Variants in ADAM12 observed in about 807,000 individuals in gnomAD.
ADAM12 encodes the protein ADAM metallopeptidase domain 12.
Under a neutral mutation model 106.4 loss-of-function variants are expected in ADAM12, and 70 were observed. The observed-to-expected ratio is 0.66, with a 90% CI of 0.54 to 0.80. The LOEUF (loss-of-function observed/expected upper bound fraction) is 0.80. ADAM12 is among the 30% of genes least tolerant of loss of function. The pLI, the probability that ADAM12 is intolerant of heterozygous loss-of-function variation, is 0.00. For synonymous variants in ADAM12, 420 were observed against 433.5 expected, an observed-to-expected ratio of 0.97 and a Z score of 0.39; for missense variants, 1,010 against 1,171.9, an observed-to-expected ratio of 0.86 and a Z score of 2.02.
At chr10:126,261,258 T>C (rs1958996502) in intron 3 of ADAM12, among the ~76,000 whole-genome samples, 1 of 152,198 alleles carries the variant, frequency 6.6e-6, no homozygotes, top group South Asian at 2.1e-4. Flanking sequence ...TTAAAAATTC[T>C]ATATGGGAAC....
chr10:126,092,062 TG>T (rs1317452163), intron 11 of ADAM12, among the ~76,000 whole-genome samples: 1 of 152,172 alleles, frequency 6.6e-6, no homozygotes, highest in Non-Finnish European at 1.5e-5. Context: ...GTGTGAGAAT[TG>T]GGACAACCAG....
At chr10:126,208,648 T>C (rs1042048577) in intron 3 of ADAM12, among the ~76,000 whole-genome samples, 5 of 152,168 alleles carry the variant, frequency 3.3e-5, no homozygotes, top group Non-Finnish European at 7.3e-5. Flanking sequence ...GGATAAAATC[T>C]ACACTCCAAA....
At chr10:126,295,570 C>CACACACACACA (rs1216399082) in intron 2 of ADAM12, among the ~76,000 whole-genome samples, 1 of 151,156 alleles carries the variant, frequency 6.6e-6, no homozygotes, top group Non-Finnish European at 1.5e-5. Flanking sequence ...CACACACACA[C>CACACACACACA]ATCTCTGTTC....
At chr10:126,261,311 G>A (rs546636542) in intron 3 of ADAM12, among the ~76,000 whole-genome samples, 1 of 152,194 alleles carries the variant, frequency 6.6e-6, no homozygotes, top group South Asian at 2.1e-4. Context: ...AACAACGAAC[G>A]GGCTGCATTT....
At chr10:126,117,940 CATCTAGAT>C in intron 6 of ADAM12, 90 bp downstream of exon 6, 1 of 1,400,068 alleles carries the variant, frequency 7.1e-7, no homozygotes. Flanking sequence ...GATGCCGCAT[CATCTAGAT>C]GGCAACATTT....
intron 2 of ADAM12, among the ~76,000 whole-genome samples, chr10:126,308,936 G>C (rs1960962185): frequency 6.6e-6 from 1 of 152,196 alleles, no homozygotes; most frequent in Non-Finnish European, 1.5e-5. Context: ...GACAAGTAGA[G>C]AGATGCATTT....
At chr10:126,340,684 C>G (rs1238902609) in intron 1 of ADAM12, among the ~76,000 whole-genome samples, 1 of 151,368 alleles carries the variant, frequency 6.6e-6, no homozygotes, top group African/African-American at 2.4e-5. Context: ...CTCCTGACCC[C>G]TTAATAGTGC....
At chr10:126,362,964 C>T (rs1039088292) in intron 1 of ADAM12, among the ~76,000 whole-genome samples, 7 of 152,094 alleles carry the variant, frequency 4.6e-5, no homozygotes, top group Non-Finnish European at 1.0e-4. Context: ...AAAAAAGCTA[C>T]ATATTTGAGG....
chr10:126,376,535 A>G (rs554460396), intron 1 of ADAM12, among the ~76,000 whole-genome samples: 2 of 152,354 alleles, frequency 1.3e-5, no homozygotes, highest in East Asian at 3.9e-4. Flanking sequence ...CAATAAATCT[A>G]TTAGGTACTT....
intron 2 of ADAM12, among the ~76,000 whole-genome samples, chr10:126,292,159 C>T (rs1960180962): frequency 6.6e-6 from 1 of 152,172 alleles, no homozygotes; most frequent in Admixed American, 6.5e-5. Context: ...GCAGATCTCT[C>T]CCTGGCAACT....
chr10:126,311,137 A>ACACACACACACC (rs1491391781), intron 2 of ADAM12, among the ~76,000 whole-genome samples: 1 of 145,882 alleles, frequency 6.9e-6, no homozygotes, highest in East Asian at 2.0e-4. Flanking sequence ...ACACACACAC[A>ACACACACACACC]CCTGCACGCA....
chr10:126,313,767 A>T (rs2133821284), intron 2 of ADAM12, among the ~76,000 whole-genome samples: 1 of 152,340 alleles, frequency 6.6e-6, no homozygotes, highest in East Asian at 1.9e-4. Context: ...TGAATAAAAA[A>T]GATAAGTCTC....
At chr10:126,270,593 C>G (rs12773243) in intron 3 of ADAM12, among the ~76,000 whole-genome samples, 2,012 of 152,302 alleles carry the variant, frequency 0.013, 23 homozygotes, top group Admixed American at 0.023. Context: ...AATATAACTC[C>G]TAGCAGAATG....
intron 1 of ADAM12, among the ~76,000 whole-genome samples, chr10:126,357,108 G>A (rs1183251518): frequency 6.6e-6 from 1 of 152,142 alleles, no homozygotes; most frequent in Non-Finnish European, 1.5e-5. Flanking sequence ...GGTCCTGAAA[G>A]CACAGAAGTT....
chr10:126,199,868 C>G (rs1957666195), intron 3 of ADAM12, among the ~76,000 whole-genome samples: 3 of 152,140 alleles, frequency 2.0e-5, no homozygotes, highest in Non-Finnish European at 1.5e-5. Flanking sequence ...TATTAACAAA[C>G]ATAGACAGTG....
chr10:126,352,652 G>A (rs145584364), intron 1 of ADAM12, among the ~76,000 whole-genome samples: 32 of 152,282 alleles, frequency 2.1e-4, no homozygotes, highest in Admixed American at 5.2e-4. Flanking sequence ...GCGCTTGACA[G>A]TTTACAAAGT....
intron 2 of ADAM12, among the ~76,000 whole-genome samples, chr10:126,306,575 T>G (rs1960854283): frequency 6.6e-6 from 1 of 152,184 alleles, no homozygotes; most frequent in Non-Finnish European, 1.5e-5. Context: ...GAGACGAATT[T>G]TATCACCTGC....
intron 3 of ADAM12, among the ~76,000 whole-genome samples, chr10:126,188,940 C>A (rs1379482339): frequency 6.6e-6 from 1 of 152,118 alleles, no homozygotes; most frequent in Non-Finnish European, 1.5e-5. Flanking sequence ...TTATTATCCA[C>A]CCATCCATTC....
chr10:126,278,144 A>G (rs1482498247), intron 3 of ADAM12, among the ~76,000 whole-genome samples: 3 of 152,208 alleles, frequency 2.0e-5, no homozygotes, highest in Non-Finnish European at 2.9e-5. Context: ...TTGACCAAGC[A>G]GGACTTGGAA....
Sources: allele counts gnomAD v4.1 joint callset (sites outside exome capture counted in the v4.1 genomes callset), GRCh38; gene constraint gnomAD v4.1.1; transcripts MANE v1.5; gene names NCBI Gene and HGNC (gene_info 2026-07-23, HGNC 2026-07-21).